The following FER variants were observed in gnomAD, a reference collection of about 807,000 sequenced individuals.
The protein encoded by FER is FER tyrosine kinase.
In FER, 63 loss-of-function variants were observed where a neutral mutation model predicts 111.0. That is an observed-to-expected ratio of 0.57 (90% CI 0.46 to 0.70). The LOEUF is 0.70. FER is among the 30% of genes least tolerant of loss of function. FER has a pLI of 0.00. For missense variants in FER, 914 were observed against 954.0 expected, an observed-to-expected ratio of 0.96 and a Z score of 0.55; for synonymous variants, 327 against 313.9, an observed-to-expected ratio of 1.04 and a Z score of -0.44.
chr5:108,818,516 A>G (rs1758508623), intron 3 of FER, among the ~76,000 whole-genome samples: 1 of 152,134 alleles, frequency 6.6e-6, no homozygotes. Context: ...TAATAATATT[A>G]ATATTAATAT....
At chr5:108,869,883 A>G (rs1273809837) in intron 6 of FER, among the ~76,000 whole-genome samples, 1 of 152,102 alleles carries the variant, frequency 6.6e-6, no homozygotes, top group African/African-American at 2.4e-5. Context: ...ATTTTAGGTG[A>G]TCCTCCATAT....
chr5:108,767,633 T>A (rs962399480), intron 1 of FER, among the ~76,000 whole-genome samples: 3 of 152,072 alleles, frequency 2.0e-5, no homozygotes, highest in Non-Finnish European at 4.4e-5. Flanking sequence ...TACAGGTGTG[T>A]GCCACGATGC....
intron 1 of FER, among the ~76,000 whole-genome samples, chr5:108,766,786 C>G (rs376932147): frequency 2.0e-4 from 31 of 152,186 alleles, no homozygotes; most frequent in African/African-American, 6.5e-4. Flanking sequence ...AAAAGAAGAA[C>G]TTGGAAGAAG....
chr5:109,062,841 ATG>A (rs1372682727), intron 16 of FER, among the ~76,000 whole-genome samples: 2 of 152,112 alleles, frequency 1.3e-5, no homozygotes, highest in African/African-American at 2.4e-5. Flanking sequence ...AACTAATTAA[ATG>A]TTATATTATC....
intron 13 of FER, among the ~76,000 whole-genome samples, chr5:109,035,977 T>C (rs1378872054): frequency 1.3e-5 from 2 of 152,214 alleles, no homozygotes; most frequent in Non-Finnish European, 2.9e-5. Context: ...GAACTTGTTT[T>C]ACACAATTTC....
At chr5:109,173,368 T>TA (rs1017406424) in intron 17 of FER, among the ~76,000 whole-genome samples, 1 of 152,252 alleles carries the variant, frequency 6.6e-6, no homozygotes, top group Non-Finnish European at 1.5e-5. Flanking sequence ...AGAGGAATCT[T>TA]ACTCCAATAT....
At chr5:109,155,009 T>C (rs1755215708) in intron 17 of FER, among the ~76,000 whole-genome samples, 1 of 151,878 alleles carries the variant, frequency 6.6e-6, no homozygotes, top group South Asian at 2.1e-4. Context: ...ATCTTATAAC[T>C]CTATCATCTC....
intron 13 of FER, among the ~76,000 whole-genome samples, chr5:108,978,517 C>T (rs1761658434): frequency 6.6e-6 from 1 of 152,284 alleles, no homozygotes; most frequent in South Asian, 2.1e-4. Flanking sequence ...CCTCCTTTCC[C>T]TGTGCTTGCA....
At chr5:109,119,353 T>A (rs1361502921) in intron 17 of FER, among the ~76,000 whole-genome samples, 2 of 152,060 alleles carry the variant, frequency 1.3e-5, no homozygotes, top group Admixed American at 6.6e-5. Flanking sequence ...TTCTAGTTTG[T>A]TTGCACTGTG....
chr5:108,955,582 G>A (rs1301324608), intron 12 of FER, among the ~76,000 whole-genome samples: 3 of 151,722 alleles, frequency 2.0e-5, no homozygotes, highest in Non-Finnish European at 4.4e-5. Flanking sequence ...AACAGATGAA[G>A]AGTAATTTCA....
At chr5:108,768,964 A>T (rs568352902) in intron 2 of FER, among the ~76,000 whole-genome samples, 119 of 152,110 alleles carry the variant, frequency 7.8e-4, no homozygotes, top group African/African-American at 2.8e-3. Flanking sequence ...AGCTGGGATT[A>T]CAGGAGCTCA....
In FER at chr5:108,883,503, G is replaced by C. The variant is rs1765876539; in HGVS notation, c.1031G>C (p.Cys344Ser). The change falls in exon 9 of 20, where the codon TGT becomes TCT. Residue 344 changes from cysteine to serine, a missense_variant. Coordinates refer to ENST00000281092, the MANE Select transcript of FER (RefSeq NM_005246.4). ...AGAATTGAAGAATCTTCTGAAACTT[G>C]TGAGAAGAAGTCTGAGTGAGTAAAA... ...EKRIEESSET[C>S]EKKSDIVLLL... The C allele has an allele frequency of 6.2e-7, 1 of 1,603,252 alleles. No homozygotes were observed. Among genetic ancestry groups the C allele is most frequent in the African/African-American group, 1.3e-5 (1 of 74,530 alleles).
chr5:109,092,904 TA>T lies in FER; in HGVS notation c.1925-7488del, dbSNP rs570621913. ...GGATAAAGAAAATGGGGTATATATA[TA>T]AAATGGAATATTATTCAGCCTTAAA... On this transcript the variant is annotated intron_variant, in intron 16 of 19. Coordinates refer to ENST00000281092, the MANE Select transcript of FER (RefSeq NM_005246.4). 2.3e-3 allele frequency among the ~76,000 whole-genome samples: 353 copies of T among 152,214 alleles called. 1 individual carries two copies. Among genetic ancestry groups the T allele is most frequent in the African/African-American group, 7.3e-3 (303 of 41,550 alleles).
At chr5:109,007,431 G>A (rs983866974) in intron 13 of FER, among the ~76,000 whole-genome samples, 4 of 149,726 alleles carry the variant, frequency 2.7e-5, no homozygotes, top group South Asian at 2.1e-4. Context: ...TAGAACAATT[G>A]CATCAGCTCC....
intron 13 of FER, among the ~76,000 whole-genome samples, chr5:109,013,056 G>C (rs1019532163): frequency 1.4e-5 from 2 of 145,060 alleles, no homozygotes; most frequent in African/African-American, 5.1e-5. Flanking sequence ...CATTGCTTTT[G>C]CTTTTTTTTT....
chr5:108,882,823 A>C (rs4560595), intron 8 of FER, among the ~76,000 whole-genome samples: 2 of 151,502 alleles, frequency 1.3e-5, no homozygotes, highest in Non-Finnish European at 2.9e-5. Context: ...AACATAAATT[A>C]TCTGGTTTGT....
At chr5:108,793,296 G>A (rs1018622078) in intron 2 of FER, among the ~76,000 whole-genome samples, 6 of 151,774 alleles carry the variant, frequency 4.0e-5, no homozygotes, top group Admixed American at 6.6e-5. Flanking sequence ...TTAACATAAC[G>A]ACCACCAGTT....
At chr5:109,167,014 T>C (rs1756624489) in intron 17 of FER, among the ~76,000 whole-genome samples, 1 of 152,186 alleles carries the variant, frequency 6.6e-6, no homozygotes, top group Non-Finnish European at 1.5e-5. Context: ...ATCACACCTG[T>C]GAGAGCCTAC....
intron 16 of FER, among the ~76,000 whole-genome samples, chr5:109,092,284 CAAAAAAAAAAAAAA>C (rs70999914): frequency 0.076 from 3,097 of 40,638 alleles, 104 homozygotes; most frequent in African/African-American, 0.12. Flanking sequence ...CTTATGATGG[CAAAAAAAAAAAAAA>C]AAAAAAAAAA....
Sources: gnomAD v4.1 joint callset for allele counts (sites outside exome capture counted in the v4.1 genomes callset) on GRCh38, gnomAD v4.1.1 for gene constraint, MANE v1.5 for transcripts, NCBI Gene and HGNC (gene_info 2026-07-23, HGNC 2026-07-21) for gene names.